Variants in ASAP3 observed in about 807,000 individuals in gnomAD.
ASAP3 encodes arf-GAP with SH3 domain, ANK repeat and PH domain-containing protein 3.
A neutral mutation model predicts 118.2 loss-of-function variants in ASAP3; 85 were observed. The ratio of observed to expected loss-of-function variants is 0.72; its 90% CI spans 0.60 to 0.86. The LOEUF is 0.86. Ranked by LOEUF, ASAP3 falls within the 40% of genes least tolerant of loss-of-function variation. ASAP3 has a pLI of 0.00. For missense variants in ASAP3, 1,026 were observed against 1,175.0 expected (o/e 0.87, Z 1.85); for synonymous variants, 432 against 477.4 (o/e 0.90, Z 1.24).
intron 1 of ASAP3, among the ~76,000 whole-genome samples, chr1:23,459,255 C>T (rs1316056709): frequency 1.3e-5 from 2 of 150,698 alleles, no homozygotes; most frequent in Admixed American, 6.6e-5. Flanking sequence ...GTACCTAGCA[C>T]ACAGAAGGTG....
chr1:23,484,386 C>G (rs924019930), upstream of ASAP3: 1 of 293,968 alleles, frequency 3.4e-6, no homozygotes, highest in Non-Finnish European at 6.0e-6. Flanking sequence ...CGCGTCAGGC[C>G]GCTTCCCCGG....
chr1:23,429,720 G>T lies in ASAP3; in HGVS notation c.*136C>A. 2 of 850,856 alleles carry T rather than the reference G, an allele frequency of 2.4e-6. No homozygotes were observed. The highest frequency in any genetic ancestry group is 3.6e-6 in the Non-Finnish European group (2 of 560,256). The allele number at this position is 850,856 out of a possible 1,614,324, so 52.7% of individuals were successfully genotyped here. On this transcript the variant is annotated 3_prime_UTR_variant, in exon 25 of 25. Coordinates refer to ENST00000336689, the MANE Select transcript of ASAP3 (RefSeq NM_017707.4). The stretch of plus-strand genomic sequence containing the variant: ...AGGCATGGCCTGTGGCAGGAAGAAG[G>T]CCAGCTACAGAGGCACAAGGGACAG...
Position 23,433,548 on chromosome 1 carries a change from G to C in ASAP3, c.2020-16C>G. On this transcript the variant is annotated splice_polypyrimidine_tract_variant and intron_variant, in intron 20 of 24. Coordinates refer to ENST00000336689, the MANE Select transcript of ASAP3 (RefSeq NM_017707.4). ...CCTGCTCCAGCTGCCAAAAACAAAG[G>C]CTTGGTGGTTCAGAGGGTTGGGGGC... is the stretch of plus-strand genomic sequence containing the variant. 6.2e-7 allele frequency: 1 copy of C among 1,614,216 alleles called. No homozygotes were observed. The highest frequency in any genetic ancestry group is 8.5e-7 in the Non-Finnish European group (1 of 1,180,034).
At chr1:23,469,383 C>G (rs1267633836) in intron 1 of ASAP3, among the ~76,000 whole-genome samples, 3 of 152,158 alleles carry the variant, frequency 2.0e-5, no homozygotes, top group African/African-American at 7.2e-5. Context: ...ATGCTTTTAA[C>G]CAAACCTCTA....
intron 23 of ASAP3, 35 bp from the exon 24 acceptor site, chr1:23,431,160 G>A: frequency 1.9e-6 from 3 of 1,553,622 alleles, no homozygotes; most frequent in Non-Finnish European, 2.6e-6. Flanking sequence ...TGACCCTCAT[G>A]TCCAGAGAGC....
chr1:23,456,884 T>C (rs1026252811), intron 1 of ASAP3, among the ~76,000 whole-genome samples: 3 of 151,976 alleles, frequency 2.0e-5, no homozygotes, highest in Non-Finnish European at 4.4e-5. Flanking sequence ...TGGGGAGAAC[T>C]GGAGAGACAA....
chr1:23,454,217 C>T (rs1041983902), intron 3 of ASAP3, among the ~76,000 whole-genome samples: 4 of 145,696 alleles, frequency 2.7e-5, no homozygotes, highest in East Asian at 4.0e-4. Context: ...GATGGAATCT[C>T]GCTCTGTCAC....
In ASAP3 at chr1:23,437,286, C is replaced by A. The variant is rs1341167760; in HGVS notation, c.1186G>T (p.Ala396Ser). The change falls in exon 14 of 25, where the codon GCC becomes TCC. Residue 396 changes from alanine to serine, a missense_variant. Transcript: ENST00000336689. The surrounding 1 kb of genome is among the most constrained non-coding windows in gnomAD (Gnocchi z 6.1). ...TCCCCGAGGAAGGCGCTGCTCAGGG[C>A]TTCGTCCTTGCTGTTCTGCAACACT... Reference protein sequence around the residue: ...VSVLQNSKDEALSSAFLGEPS... With the variant: ...VSVLQNSKDESLSSAFLGEPS... The A allele has an allele frequency of 4.4e-6, 7 of 1,606,042 alleles. No individual in the cohort carries two copies. The highest frequency in any genetic ancestry group is 8.5e-7 in the Non-Finnish European group (1 of 1,176,420).
intron 5 of ASAP3, among the ~76,000 whole-genome samples, chr1:23,449,814 G>A (rs139613369): frequency 2.0e-5 from 3 of 152,316 alleles, no homozygotes; most frequent in South Asian, 2.1e-4. Context: ...CTACAGGAAG[G>A]CTCAATATAG....
intron 1 of ASAP3, among the ~76,000 whole-genome samples, chr1:23,457,326 T>C (rs978826099): frequency 1.3e-5 from 2 of 151,942 alleles, no homozygotes; most frequent in African/African-American, 4.8e-5. Flanking sequence ...ATGACAAGAG[T>C]TAGTAAACAC....
intron 7 of ASAP3, 99 bp from the exon 8 acceptor site, chr1:23,441,829 C>T: frequency 7.8e-7 from 1 of 1,287,550 alleles, no homozygotes; most frequent in East Asian, 2.4e-5. Flanking sequence ...TCACAGGGCA[C>T]CTCAGGGAAT....
chr1:23,484,189 C>T (rs1011726979), upstream of ASAP3: 2 of 1,216,410 alleles, frequency 1.6e-6, no homozygotes, highest in Non-Finnish European at 1.0e-6. Flanking sequence ...TGAGCTGCTC[C>T]GCGCTGAGCC....
At position 23,436,546 on chromosome 1, in the gene ASAP3, G is replaced by C. The variant is rs377109548; in HGVS notation, c.1571+14C>G. On this transcript the variant is annotated intron_variant, in intron 16 of 24. Transcript: ENST00000336689. This position sits in a 1 kb window ranked among gnomAD's most constrained non-coding sequence, Gnocchi z 4.2. ...CCCTAGGCAGGGTGCCCCTCTCTCT[G>C]AGAATCCCCTTACATGTCACTCTCA... 3.2e-5 allele frequency: 51 copies of C among 1,613,722 alleles called. No homozygotes were observed. Among genetic ancestry groups the C allele is most frequent in the Non-Finnish European group, 4.2e-5 (50 of 1,179,734 alleles).
chr1:23,442,486 C>A lies in ASAP3; in HGVS notation c.585+15G>T. 1.2e-6 allele frequency: 2 copies of A among 1,611,784 alleles called. No individual in the cohort carries two copies. Among genetic ancestry groups the A allele is most frequent in the Admixed American group, 1.7e-5 (1 of 59,918 alleles). On this transcript the variant is annotated intron_variant, in intron 6 of 24. Transcript: ENST00000336689. ...CATCCCACGCCCCCCCTCCCTCATCCAGAGCACCCCTTACCTCACACATGT... is the reference window on the plus strand; with the variant it reads ...CATCCCACGCCCCCCCTCCCTCATCAAGAGCACCCCTTACCTCACACATGT...
intron 1 of ASAP3, among the ~76,000 whole-genome samples, chr1:23,472,516 A>G (rs1333878710): frequency 6.6e-6 from 1 of 152,204 alleles, no homozygotes; most frequent in Non-Finnish European, 1.5e-5. Context: ...GGCAGAGAGC[A>G]AAGGGCAGAG....
chr1:23,444,257 G>T (rs1640975352), intron 5 of ASAP3, among the ~76,000 whole-genome samples: 2 of 152,190 alleles, frequency 1.3e-5, no homozygotes, highest in Admixed American at 6.5e-5. Flanking sequence ...GAGGTTGGCT[G>T]TTTTCCCTCT....
intron 1 of ASAP3, among the ~76,000 whole-genome samples, chr1:23,476,202 T>C (rs1642123201): frequency 6.6e-6 from 1 of 151,758 alleles, no homozygotes; most frequent in African/African-American, 2.4e-5. Flanking sequence ...AAAAATTAGC[T>C]GGGTGTGGTA....
At chr1:23,441,332 C>T in intron 9 of ASAP3, 55 bp downstream of exon 9, 1 of 1,608,832 alleles carries the variant, frequency 6.2e-7, no homozygotes, top group Non-Finnish European at 8.5e-7. Flanking sequence ...CTCTCCCTCC[C>T]TCCACGGTGG....
chr1:23,443,353 TC>T (rs1163862368), intron 5 of ASAP3, among the ~76,000 whole-genome samples: 1 of 152,144 alleles, frequency 6.6e-6, no homozygotes, highest in African/African-American at 2.4e-5. Flanking sequence ...CTCTCACCTA[TC>T]CTCCCACCTT....
Sources: allele counts gnomAD v4.1 joint callset (sites outside exome capture counted in the v4.1 genomes callset), GRCh38; gene constraint gnomAD v4.1.1; non-coding constraint Gnocchi (gnomAD v3.1); transcripts MANE v1.5; gene names NCBI Gene and HGNC (gene_info 2026-07-23, HGNC 2026-07-21).